ETFA: variants seen among roughly 807,000 people sequenced by gnomAD.
ETFA encodes the protein electron transfer flavoprotein subunit alpha, mitochondrial.
In ETFA, 22 loss-of-function variants were observed where a neutral mutation model predicts 46.2. The ratio of observed to expected loss-of-function variants is 0.48; its 90% CI spans 0.34 to 0.68. The LOEUF is 0.68. ETFA is among the 30% of genes least tolerant of loss of function. ETFA has a pLI of 0.01. For missense variants in ETFA, 345 were observed against 401.1 expected, an observed-to-expected ratio of 0.86 and a Z score of 1.19; for synonymous variants, 131 against 139.9, an observed-to-expected ratio of 0.94 and a Z score of 0.45.
rs758341953 is a variant in ETFA, at chr15:76,216,521, C to T, written c.*38G>A. ...AAATATCTGTGATTTCAGTGGAATA[C>T]TTTAACAAAAGTTTTCTTTTTAAGG... On this transcript the variant is annotated 3_prime_UTR_variant, in exon 12 of 12. Coordinates refer to ENST00000557943, the MANE Select transcript of ETFA (RefSeq NM_000126.4). 8.0e-7 allele frequency: 1 copy of T among 1,247,586 alleles called. No individual in the cohort carries two copies. Among genetic ancestry groups the T allele is most frequent in the Non-Finnish European group, 1.2e-6 (1 of 846,436 alleles). 77.3% of individuals were successfully genotyped at this position (1,247,586 alleles called of 1,614,324 possible).
chr15:76,285,661 CT>C lies in ETFA; in HGVS notation c.639del (p.Gly214ValfsTer12). 6.2e-7 allele frequency: 1 copy of C among 1,608,418 alleles called. No individual in the cohort carries two copies. Among genetic ancestry groups the C allele is most frequent in the Non-Finnish European group, 8.5e-7 (1 of 1,174,906 alleles). ...KLTKSDRPELTGAKVVVSGGR... is the reference protein window; with the variant it reads ...KLTKSDRPELXGAKVVVSGGR... Reference sequence around the variant, plus strand: ...CCACCAGATACCACCACTTTGGCACCTGTTAGCTCTGGTCGATCACTTTTTG... The same window carrying C: ...CCACCAGATACCACCACTTTGGCACCGTTAGCTCTGGTCGATCACTTTTTG... On this transcript the variant is annotated frameshift_variant, in exon 7 of 12. Transcript: ENST00000557943. LOFTEE classifies it high-confidence loss of function.
At chr15:76,286,698 G>A (rs1211787971) in intron 5 of ETFA, among the ~76,000 whole-genome samples, 1 of 152,108 alleles carries the variant, frequency 6.6e-6, no homozygotes, top group Non-Finnish European at 1.5e-5. Flanking sequence ...AGCAGGACAG[G>A]TACTACCACA....
intron 9 of ETFA, among the ~76,000 whole-genome samples, chr15:76,233,325 CTTTTTTTTTT>C (rs66595585): frequency 2.4e-5 from 2 of 84,496 alleles, no homozygotes; most frequent in East Asian, 7.0e-4. Context: ...ATTCAATAGG[CTTTTTTTTTT>C]TTTTTTTTTT....
At chr15:76,264,390 T>C (rs1225575812) in intron 9 of ETFA, among the ~76,000 whole-genome samples, 2 of 152,022 alleles carry the variant, frequency 1.3e-5, no homozygotes, top group Non-Finnish European at 2.9e-5. Context: ...CTAATTGGGG[T>C]CGATTAGAGA....
At chr15:76,274,745 T>C (rs1249867311) in intron 8 of ETFA, among the ~76,000 whole-genome samples, 2 of 152,228 alleles carry the variant, frequency 1.3e-5, no homozygotes, top group African/African-American at 2.4e-5. Context: ...AATGTCATTA[T>C]ATAATGCTCC....
intron 9 of ETFA, among the ~76,000 whole-genome samples, chr15:76,232,808 A>G (rs2141465251): frequency 6.6e-6 from 1 of 152,306 alleles, no homozygotes; most frequent in South Asian, 2.1e-4. Context: ...GCTCCCCAGG[A>G]TACTCTGATG....
chr15:76,299,091 C>A (rs956581128), intron 1 of ETFA, among the ~76,000 whole-genome samples: 3 of 152,140 alleles, frequency 2.0e-5, no homozygotes, highest in African/African-American at 7.2e-5. Flanking sequence ...AGGTAATTGC[C>A]TCAAAAGGAA....
In ETFA at chr15:76,225,736, C is replaced by T. The variant is rs1038142294; in HGVS notation, c.963+113G>A. 8.7e-6 allele frequency: 7 copies of T among 801,992 alleles called. No individual in the cohort carries two copies. The Admixed American group carries it at 1.2e-4, about 14-fold the overall frequency. The allele number at this position is 801,992 out of a possible 1,614,324, so 49.7% of individuals were successfully genotyped here. ...CATATATTAACAGTATACATACAAACACAGACACACAAACACACAATGTTT... is the reference window on the plus strand; with the variant it reads ...CATATATTAACAGTATACATACAAATACAGACACACAAACACACAATGTTT... On this transcript the variant is annotated intron_variant, in intron 11 of 11. Coordinates refer to ENST00000557943, the MANE Select transcript of ETFA (RefSeq NM_000126.4).
intron 10 of ETFA, among the ~76,000 whole-genome samples, chr15:76,226,738 G>T (rs1007634493): frequency 5.3e-5 from 8 of 152,084 alleles, no homozygotes; most frequent in African/African-American, 1.9e-4. Context: ...AATTAGCCGG[G>T]CGTGGTGGCG....
At position 76,249,773 on chromosome 15, in the gene ETFA, C is replaced by T. The variant is rs12438741; in HGVS notation, c.817-18375G>A. ...CATTTTAAAATATATAGTTCTGGGACACTAAGTACAGTTACCTTGTTATGC... is the reference window on the plus strand; with the variant it reads ...CATTTTAAAATATATAGTTCTGGGATACTAAGTACAGTTACCTTGTTATGC... On this transcript the variant is annotated intron_variant, in intron 9 of 11. Transcript: ENST00000557943. Among the ~76,000 whole-genome samples the T allele has an allele frequency of 4.6e-5, 7 of 151,976 alleles. No homozygotes were observed. In the South Asian group the frequency reaches 1.2e-3, roughly 27 times the overall value.
rs553759237 is a variant in ETFA at position 76,270,692 on chromosome 15, G to A, written c.816+3720C>T. On this transcript the variant is annotated intron_variant, in intron 9 of 11. Transcript: ENST00000557943. ...ATACAAAATGAGCCTGGAACATCTT[G>A]TCTTGTCAGGAAGTAAAAAAGGATT... Among the ~76,000 whole-genome samples, 6 of 152,240 alleles carry A rather than the reference G, an allele frequency of 3.9e-5. No homozygotes were observed. In the South Asian group the frequency reaches 1.2e-3, roughly 32 times the overall value.
chr15:76,286,830 T>C (rs1200319951), intron 5 of ETFA, among the ~76,000 whole-genome samples: 1 of 152,202 alleles, frequency 6.6e-6, no homozygotes, highest in Admixed American at 6.5e-5. Flanking sequence ...AACTATGAGC[T>C]GCAACAACTT....
rs1474117 is a variant in ETFA, at chr15:76,215,497, C to G, written c.*1062G>C. On this transcript the variant is annotated 3_prime_UTR_variant, in exon 12 of 12. Transcript: ENST00000557943. ...CTTATCACTTCCCTTCTCTTCCCTA[C>G]TGTCTGCTTGATCCAGGTCACTACT... The G allele has an allele frequency of 0.41, 62,411 of 151,904 alleles. 15,232 individuals carry two copies. Among genetic ancestry groups the G allele is most frequent in the Middle Eastern group, 0.56 (164 of 292 alleles). The allele number at this position is 151,904 out of a possible 1,614,324, so 9.4% of individuals were successfully genotyped here. A position where few individuals can be genotyped will look rare whatever the true frequency, so the allele number is the denominator to read the frequency against.
At chr15:76,260,634 T>C (rs927139133) in intron 9 of ETFA, 15 of 1,536,832 alleles carry the variant, frequency 9.8e-6, no homozygotes, top group East Asian at 2.3e-5. Flanking sequence ...GGACAGTTTA[T>C]AGGGTCCCAG....
At chr15:76,294,544 ATTG>A (rs1246178338) in intron 2 of ETFA, among the ~76,000 whole-genome samples, 1 of 152,122 alleles carries the variant, frequency 6.6e-6, no homozygotes, top group African/African-American at 2.4e-5. Flanking sequence ...GCTCTGAATT[ATTG>A]TTATTTTTAA....
intron 9 of ETFA, among the ~76,000 whole-genome samples, chr15:76,258,467 A>G (rs573448042): frequency 2.6e-5 from 4 of 152,212 alleles, no homozygotes; most frequent in Non-Finnish European, 4.4e-5. Flanking sequence ...CAGACCTGAG[A>G]TACCCACCCC....
intron 9 of ETFA, among the ~76,000 whole-genome samples, chr15:76,239,572 T>C (rs935834371): frequency 2.0e-5 from 3 of 152,086 alleles, no homozygotes; most frequent in African/African-American, 7.2e-5. Context: ...GAAGCCACCA[T>C]TCTACTCTCA....
At chr15:76,245,276 A>G (rs1157119768) in intron 9 of ETFA, 1 of 152,210 alleles carries the variant, frequency 6.6e-6, no homozygotes, top group Non-Finnish European at 1.5e-5. Flanking sequence ...AATTGCTTTC[A>G]GCTAAATGCA....
chr15:76,252,897 CTTTTTTT>C (rs11303378), intron 9 of ETFA, among the ~76,000 whole-genome samples: 1 of 129,946 alleles, frequency 7.7e-6, no homozygotes, highest in African/African-American at 2.9e-5. Flanking sequence ...ACACAGAGTA[CTTTTTTT>C]TTTTTTTTTT....
Sources: allele counts gnomAD v4.1 joint callset (sites outside exome capture counted in the v4.1 genomes callset), GRCh38; gene constraint gnomAD v4.1.1; transcripts MANE v1.5; gene names NCBI Gene and HGNC (gene_info 2026-07-23, HGNC 2026-07-21).